VWDE: variants seen among roughly 807,000 people sequenced by gnomAD.
The protein encoded by VWDE is von Willebrand factor D and EGF domain-containing protein.
VWDE carries 207 observed loss-of-function variants against 178.4 expected under a neutral mutation model. The observed-to-expected ratio is 1.16, with a 90% CI of 1.04 to 1.30. VWDE has a LOEUF of 1.30. Ranked by LOEUF, VWDE falls within the 50% of genes most tolerant of loss-of-function variation. The pLI is 0.00. For synonymous variants in VWDE, 738 were observed against 651.4 expected, an observed-to-expected ratio of 1.13 and a Z score of -2.02; for missense variants, 2,287 against 1,901.3, an observed-to-expected ratio of 1.20 and a Z score of -3.77.
At chr7:12,349,075 G>T (rs1781776693) in intron 19 of VWDE, among the ~76,000 whole-genome samples, 1 of 152,142 alleles carries the variant, frequency 6.6e-6, no homozygotes, top group South Asian at 2.1e-4. Context: ...GGGGCCTGTT[G>T]TGCGGTGCGG....
intron 24 of VWDE, among the ~76,000 whole-genome samples, chr7:12,338,203 T>C (rs570237549): frequency 8.5e-5 from 13 of 152,124 alleles, no homozygotes; most frequent in African/African-American, 2.6e-4. Context: ...AATATAGAAC[T>C]TTATAGTAAT....
Position 12,375,001 on chromosome 7 carries a change from T to G in VWDE, c.1242+9A>C. ...TTCACTTGCAGTATTAGTGTTGTAA[T>G]TTGTCAACCTGGATGCTGTCTGGAA... is the stretch of plus-strand genomic sequence containing the variant. On this transcript the variant is annotated intron_variant, in intron 8 of 28. Coordinates refer to ENST00000275358, the MANE Select transcript of VWDE (RefSeq NM_001135924.3). 2 of 1,549,790 alleles carry G rather than the reference T, an allele frequency of 1.3e-6. No homozygotes were observed. The highest frequency in any genetic ancestry group is 1.7e-6 in the Non-Finnish European group (2 of 1,145,506).
intron 5 of VWDE, among the ~76,000 whole-genome samples, chr7:12,379,986 T>G (rs945210761): frequency 6.6e-5 from 10 of 151,718 alleles, no homozygotes; most frequent in African/African-American, 2.4e-4. Flanking sequence ...TAGTCCCAGC[T>G]ACTCAGGAGG....
At chr7:12,396,222 A>G (rs967354327) in intron 1 of VWDE, among the ~76,000 whole-genome samples, 1 of 152,174 alleles carries the variant, frequency 6.6e-6, no homozygotes, top group African/African-American at 2.4e-5. Flanking sequence ...AGTTTAATGT[A>G]ATGACCAACC....
At chr7:12,348,127 G>T (rs1043537098) in intron 19 of VWDE, among the ~76,000 whole-genome samples, 1 of 151,696 alleles carries the variant, frequency 6.6e-6, no homozygotes, top group African/African-American at 2.4e-5. Flanking sequence ...AACCCTAGAA[G>T]AAAACCTAGG....
At chr7:12,358,388 G>A (rs190964025) in intron 16 of VWDE, among the ~76,000 whole-genome samples, 5 of 138,676 alleles carry the variant, frequency 3.6e-5, no homozygotes, top group Admixed American at 2.7e-4. Context: ...AATAAAAGGT[G>A]GGGGGGGCTA....
rs1045169394 is a variant in VWDE, at chr7:12,383,575, A to G, written c.502T>C (p.Cys168Arg). The G allele has an allele frequency of 3.2e-6, 5 of 1,550,390 alleles. No individual in the cohort carries two copies. Among genetic ancestry groups the G allele is most frequent in the Non-Finnish European group, 4.4e-6 (5 of 1,145,974 alleles). ...CCTGTTTCAGTTTCATCAGAACCAC[A>G]TGGGTGTAATCGTGCATCAGAAATA... ...EAISDARLHPCGSDETETGGD... is the reference protein window; with the variant it reads ...EAISDARLHPRGSDETETGGD... The change falls in exon 4 of 29, where the codon TGT (cysteine) becomes CGT (arginine). Residue 168 changes from cysteine (C) to arginine (R), a missense_variant. By Grantham distance (180) the Cys-to-Arg change is radical. Coordinates refer to ENST00000275358, the MANE Select transcript of VWDE (RefSeq NM_001135924.3).
chr7:12,366,477 G>C (rs1323290212), intron 13 of VWDE, among the ~76,000 whole-genome samples: 5 of 152,054 alleles, frequency 3.3e-5, no homozygotes, highest in African/African-American at 1.2e-4. Context: ...TCTCTTAAGT[G>C]ATATTAAAAT....
At chr7:12,365,074 C>G (rs1426446028) in intron 13 of VWDE, among the ~76,000 whole-genome samples, 1 of 151,924 alleles carries the variant, frequency 6.6e-6, no homozygotes, top group African/African-American at 2.4e-5. Context: ...GGAGCACCGT[C>G]ACAATATTCA....
In VWDE at chr7:12,403,852, C is replaced by T. The variant is rs1785036766; in HGVS notation, c.-136G>A. ...GTTGCTGCTTGGAACAGGGAAGCTC[C>T]GCGTCCTCGTTCTGGGGTGCACCCA... On this transcript the variant is annotated 5_prime_UTR_variant, in exon 1 of 29. Transcript: ENST00000275358. 1 of 917,472 alleles carries T rather than the reference C, an allele frequency of 1.1e-6. No homozygotes were observed. Among genetic ancestry groups the T allele is most frequent in the African/African-American group, 1.7e-5 (1 of 60,124 alleles). The allele number at this position is 917,472 out of a possible 1,614,324, so 56.8% of individuals were successfully genotyped here. A position where few individuals can be genotyped will look rare whatever the true frequency, so the allele number is the denominator to read the frequency against.
At chr7:12,351,129 T>C (rs1781911100) in intron 19 of VWDE, among the ~76,000 whole-genome samples, 1 of 152,108 alleles carries the variant, frequency 6.6e-6, no homozygotes. Flanking sequence ...AGAAAGCCAA[T>C]GTGAAATGTA....
At chr7:12,366,684 A>AG (rs1782875547) in intron 13 of VWDE, among the ~76,000 whole-genome samples, 1 of 152,104 alleles carries the variant, frequency 6.6e-6, no homozygotes, top group South Asian at 2.1e-4. Flanking sequence ...ATTAATTTAG[A>AG]GAAAAAGTAA....
intron 4 of VWDE, among the ~76,000 whole-genome samples, chr7:12,382,162 G>A (rs1484611551): frequency 1.3e-5 from 2 of 151,552 alleles, no homozygotes; most frequent in Non-Finnish European, 3.0e-5. Flanking sequence ...TCCCCAAATT[G>A]TGTGCAATTT....
rs143523645 is a variant in VWDE at position 12,350,619 on chromosome 7, C to G, written c.3886+954G>C. Among the ~76,000 whole-genome samples the G allele has an allele frequency of 8.4e-3, 1,274 of 152,230 alleles. 21 individuals are homozygous for G. The highest frequency in any genetic ancestry group is 0.028 in the African/African-American group (1,173 of 41,560). On this transcript the variant is annotated intron_variant, in intron 19 of 28. Coordinates refer to ENST00000275358, the MANE Select transcript of VWDE (RefSeq NM_001135924.3). ...GGCTTTGTACTAGAGGTACACTACA[C>G]TACAATGAGAGCGTAAGTTTGAGAC... is the stretch of plus-strand genomic sequence containing the variant.
At chr7:12,354,467 C>T (rs140015493) in intron 18 of VWDE, 5 of 384,120 alleles carry the variant, frequency 1.3e-5, no homozygotes, top group Middle Eastern at 3.6e-4. Flanking sequence ...CACTCATCAA[C>T]ATCTTCCTGG....
chr7:12,358,715 T>G (rs905397181), intron 16 of VWDE, among the ~76,000 whole-genome samples: 14 of 152,304 alleles, frequency 9.2e-5, no homozygotes, highest in African/African-American at 3.4e-4. Flanking sequence ...TTTATGACTT[T>G]GAACACTATG....
intron 9 of VWDE, 83 bp from the exon 10 acceptor site, chr7:12,373,330 T>C (rs1783320860): frequency 7.2e-7 from 1 of 1,387,816 alleles, no homozygotes; most frequent in African/African-American, 1.4e-5. Context: ...CAGCTTTATG[T>C]ATCACGATCA....
intron 2 of VWDE, among the ~76,000 whole-genome samples, chr7:12,389,632 G>A (rs1250463095): frequency 6.6e-6 from 1 of 151,990 alleles, no homozygotes; most frequent in Non-Finnish European, 1.5e-5. Flanking sequence ...GTAAACAAGG[G>A]AAATTAGATC....
At chr7:12,354,844 G>T (rs1782138588) in intron 18 of VWDE, among the ~76,000 whole-genome samples, 1 of 152,094 alleles carries the variant, frequency 6.6e-6, no homozygotes. Context: ...ATTTAGGATG[G>T]TTGTCTGTTT....
Sources: gnomAD v4.1 joint callset for allele counts (sites outside exome capture counted in the v4.1 genomes callset) on GRCh38, gnomAD v4.1.1 for gene constraint, MANE v1.5 for transcripts, NCBI Gene and HGNC (gene_info 2026-07-23, HGNC 2026-07-21) for gene names.